Variants in ERBB4 observed in about 807,000 individuals in gnomAD.
The protein encoded by ERBB4 is erb-b2 receptor tyrosine kinase 4, also known as receptor tyrosine-protein kinase erbB-4.
Under a neutral mutation model 158.0 loss-of-function variants are expected in ERBB4, and 42 were observed. The observed-to-expected ratio is 0.27, with a 90% CI of 0.21 to 0.34. The LOEUF (loss-of-function observed/expected upper bound fraction) is 0.34. Among genes scored for constraint, ERBB4 ranks in the 10% least tolerant of loss-of-function variants. The pLI, the probability that ERBB4 is intolerant of heterozygous loss-of-function variation, is 1.00. For missense variants in ERBB4, 1,333 were observed against 1,624.1 expected (o/e 0.82, Z 3.08); for synonymous variants, 583 against 558.7 (o/e 1.04, Z -0.61).
intron 23 of ERBB4, among the ~76,000 whole-genome samples, chr2:211,422,897 C>A (rs1299090933): frequency 6.6e-6 from 1 of 151,770 alleles, no homozygotes; most frequent in African/African-American, 2.4e-5. Context: ...TGTTTTTAAA[C>A]TTTCTTCCAT....
At chr2:212,154,248 G>T (rs1201931874) in intron 1 of ERBB4, among the ~76,000 whole-genome samples, 63 of 152,058 alleles carry the variant, frequency 4.1e-4, no homozygotes, top group Non-Finnish European at 1.2e-4. Context: ...GGAAGAAAAT[G>T]ATTCACATGG....
chr2:212,208,738 A>G (rs1029192374), intron 1 of ERBB4, among the ~76,000 whole-genome samples: 10 of 152,218 alleles, frequency 6.6e-5, no homozygotes, highest in Non-Finnish European at 1.3e-4. Flanking sequence ...AATAACAATT[A>G]TGTCAATTTA....
intron 1 of ERBB4, among the ~76,000 whole-genome samples, chr2:212,192,367 C>T (rs376297238): frequency 2.0e-5 from 3 of 151,476 alleles, no homozygotes; most frequent in African/African-American, 7.3e-5. Context: ...AACAGCAATT[C>T]CTCAGTTTTC....
intron 9 of ERBB4, among the ~76,000 whole-genome samples, chr2:211,708,281 C>G (rs1181635226): frequency 6.6e-6 from 1 of 151,996 alleles, no homozygotes; most frequent in Non-Finnish European, 1.5e-5. Context: ...CATCATAATT[C>G]ATTTATATGT....
intron 17 of ERBB4, among the ~76,000 whole-genome samples, chr2:211,626,555 C>T (rs1299154772): frequency 6.6e-6 from 1 of 152,066 alleles, no homozygotes; most frequent in East Asian, 1.9e-4. Context: ...AGGGATTCTA[C>T]GATTATCTAA....
intron 1 of ERBB4, among the ~76,000 whole-genome samples, chr2:212,419,980 C>A (rs2091756944): frequency 6.6e-6 from 1 of 151,922 alleles, no homozygotes; most frequent in African/African-American, 2.4e-5. Flanking sequence ...AAAATGAATT[C>A]ATTCTAAGTG....
At chr2:211,890,071 C>T (rs1168428919) in intron 3 of ERBB4, among the ~76,000 whole-genome samples, 1 of 90,858 alleles carries the variant, frequency 1.1e-5, no homozygotes, top group African/African-American at 4.9e-5. Flanking sequence ...AAAGATACTC[C>T]TCGAGAAGAG....
At chr2:212,096,439 T>C (rs1559490251) in intron 2 of ERBB4, among the ~76,000 whole-genome samples, 1 of 152,134 alleles carries the variant, frequency 6.6e-6, no homozygotes, top group Non-Finnish European at 1.5e-5. Flanking sequence ...TGTTATATAT[T>C]AGGAGGCATT....
chr2:211,649,242 C>G (rs1334954713), intron 16 of ERBB4, among the ~76,000 whole-genome samples: 1 of 151,684 alleles, frequency 6.6e-6, no homozygotes, highest in Non-Finnish European at 1.5e-5. Context: ...CTGAATGACT[C>G]TAAGTCTGTT....
At chr2:211,420,306 G>A (rs1036775682) in intron 25 of ERBB4, 135 bp downstream of exon 25, 6 of 681,762 alleles carry the variant, frequency 8.8e-6, no homozygotes, top group Non-Finnish European at 1.5e-5. Flanking sequence ...ATCTTTTGTG[G>A]GTATGGTATA....
intron 1 of ERBB4, among the ~76,000 whole-genome samples, chr2:212,537,325 G>A (rs990683997): frequency 5.9e-5 from 9 of 152,010 alleles, no homozygotes; most frequent in African/African-American, 2.2e-4. Flanking sequence ...CTCTCCAAAA[G>A]GCACCCCTTG....
intron 1 of ERBB4, among the ~76,000 whole-genome samples, chr2:212,348,750 AT>A (rs1269413627): frequency 6.6e-6 from 1 of 152,118 alleles, no homozygotes; most frequent in Non-Finnish European, 1.5e-5. Flanking sequence ...ACAGTCTGCC[AT>A]TTCAATCACA....
chr2:212,432,326 TCAG>T (rs2092048063), intron 1 of ERBB4, among the ~76,000 whole-genome samples: 1 of 152,170 alleles, frequency 6.6e-6, no homozygotes, highest in Non-Finnish European at 1.5e-5. Flanking sequence ...TAAAAAACAG[TCAG>T]CAATTTTATG....
At position 211,799,026 on chromosome 2, in the gene ERBB4, C is replaced by T. The variant is rs377700766; in HGVS notation, c.422-10867G>A. Among the ~76,000 whole-genome samples the T allele has an allele frequency of 1.4e-4, 22 of 152,166 alleles. No homozygotes were observed. The South Asian group carries it at 3.1e-3, about 21-fold the overall frequency. On this transcript the variant is annotated intron_variant, in intron 3 of 27. Transcript: ENST00000342788. ...GTTTGGATCAGGTTGGTGCATAGTT[C>T]GTAGGTCACAAAACCTCCCTCACAA...
Position 212,164,937 on chromosome 2 carries a change from C to T in ERBB4, c.83-40034G>A, listed in dbSNP as rs1414743160. Among the ~76,000 whole-genome samples the T allele has an allele frequency of 2.0e-4, 30 of 152,004 alleles. 1 individual carries two copies. The highest frequency in any genetic ancestry group is 2.0e-3 in the Admixed American group (30 of 15,246). On this transcript the variant is annotated intron_variant, in intron 1 of 27. Transcript: ENST00000342788. ...ATTAAGAACTACTTGCCCTTATGGA[C>T]AAACTTGACTTTGAAGAAATTTTTC...
intron 2 of ERBB4, among the ~76,000 whole-genome samples, chr2:212,105,599 TGTCG>T (rs2079202117): frequency 6.6e-6 from 1 of 152,212 alleles, no homozygotes; most frequent in South Asian, 2.1e-4. Flanking sequence ...AATGCATTTG[TGTCG>T]AAAAATGTTT....
At chr2:212,279,696 T>A (rs768191382) in intron 1 of ERBB4, among the ~76,000 whole-genome samples, 3 of 151,644 alleles carry the variant, frequency 2.0e-5, no homozygotes, top group Non-Finnish European at 4.4e-5. Flanking sequence ...TATGCCAATA[T>A]GAGTCTTACT....
At chr2:212,300,038 A>C (rs1255196255) in intron 1 of ERBB4, among the ~76,000 whole-genome samples, 1 of 151,618 alleles carries the variant, frequency 6.6e-6, no homozygotes, top group Non-Finnish European at 1.5e-5. Context: ...AAATCATTGA[A>C]GCAAAAATGA....
chr2:211,380,012 A>G lies in ERBB4; in HGVS notation c.*3603T>C. 4.5e-6 allele frequency: 1 copy of G among 222,306 alleles called. No individual in the cohort carries two copies. The highest frequency in any genetic ancestry group is 8.8e-6 in the Non-Finnish European group (1 of 113,950). The allele number at this position is 222,306 out of a possible 1,614,324, so 13.8% of individuals were successfully genotyped here. A position where few individuals can be genotyped will look rare whatever the true frequency, so the allele number is the denominator to read the frequency against. On this transcript the variant is annotated 3_prime_UTR_variant, in exon 28 of 28. Transcript: ENST00000342788. ...ATGCCATGTCTTTCCTTTAGAAGGT[A>G]TTAGCTCACACACTATAACACTTAA... is the stretch of plus-strand genomic sequence containing the variant.
Sources: gnomAD v4.1 joint callset for allele counts (sites outside exome capture counted in the v4.1 genomes callset) on GRCh38, gnomAD v4.1.1 for gene constraint, MANE v1.5 for transcripts, NCBI Gene and HGNC (gene_info 2026-07-23, HGNC 2026-07-21) for gene names.